Variants in STK32A observed in about 807,000 individuals in gnomAD.
STK32A encodes serine/threonine-protein kinase 32A.
STK32A carries 41 observed loss-of-function variants against 53.2 expected under a neutral mutation model. The observed-to-expected ratio is 0.77, with a 90% CI of 0.60 to 1.00. The LOEUF (loss-of-function observed/expected upper bound fraction) is 1.00. STK32A is among the 50% of genes least tolerant of loss of function. STK32A has a pLI of 0.00. For missense variants in STK32A, 458 were observed against 485.8 expected, an observed-to-expected ratio of 0.94 and a Z score of 0.54; for synonymous variants, 166 against 162.8, an observed-to-expected ratio of 1.02 and a Z score of -0.15.
chr5:147,326,454 C>G (rs1277253233), intron 5 of STK32A, among the ~76,000 whole-genome samples: 1 of 152,178 alleles, frequency 6.6e-6, no homozygotes, highest in Admixed American at 6.5e-5. Flanking sequence ...ACCTCTCCCC[C>G]CACCTCCCAG....
chr5:147,294,369 C>A (rs765297586), intron 4 of STK32A, among the ~76,000 whole-genome samples: 7 of 152,044 alleles, frequency 4.6e-5, no homozygotes, highest in Non-Finnish European at 1.0e-4. Context: ...TCAAGCAATT[C>A]TTCTGCCTCA....
At chr5:147,268,457 A>G (rs1754901284) in intron 2 of STK32A, among the ~76,000 whole-genome samples, 1 of 152,158 alleles carries the variant, frequency 6.6e-6, no homozygotes, top group African/African-American at 2.4e-5. Flanking sequence ...TTTGGTAAAA[A>G]AAAAGTTAAA....
intron 6 of STK32A, chr5:147,343,355 C>T (rs979021851): frequency 2.1e-6 from 1 of 475,800 alleles, no homozygotes; most frequent in East Asian, 4.5e-5. Flanking sequence ...ATATAACACG[C>T]AATCACCTAT....
intron 9 of STK32A, among the ~76,000 whole-genome samples, chr5:147,371,943 A>G (rs1488049960): frequency 4.6e-5 from 7 of 152,196 alleles, no homozygotes; most frequent in Admixed American, 4.6e-4. Context: ...TTCACATAAC[A>G]CTATCTTTCC....
intron 11 of STK32A, among the ~76,000 whole-genome samples, chr5:147,378,840 CTTTTTTTTTTTTTTTTTTTTTTTTTTT>C (rs71001434): frequency 2.2e-3 from 63 of 28,108 alleles, no homozygotes; most frequent in African/African-American, 6.4e-3. Flanking sequence ...TGCCTCCAGT[CTTTTTTTTTTTTTTTTTTTTTTTTTTT>C]TTTTTTTTTT....
Position 147,235,090 on chromosome 5 carries a change from G to A in STK32A, c.-206G>A, listed in dbSNP as rs1444229018. On this transcript the variant is annotated 5_prime_UTR_variant, in exon 1 of 13. Coordinates refer to ENST00000397936, the MANE Select transcript of STK32A (RefSeq NM_001112724.2). ...AGCCTCCGCCGCTTCCGGGCAGATA[G>A]GTGCCTTTTCTTGCTCCTTGCTCTT... The A allele has an allele frequency of 1.3e-5, 2 of 155,002 alleles. No homozygotes were observed. Among genetic ancestry groups the A allele is most frequent in the African/African-American group, 2.4e-5 (1 of 41,476 alleles). The allele number at this position is 155,002 out of a possible 1,614,324, so 9.6% of individuals were successfully genotyped here.
At chr5:147,282,528 T>C (rs1039390824) in intron 4 of STK32A, among the ~76,000 whole-genome samples, 1 of 152,146 alleles carries the variant, frequency 6.6e-6, no homozygotes, top group Non-Finnish European at 1.5e-5. Flanking sequence ...CAACCTACTA[T>C]GTGCTGCCTT....
chr5:147,285,480 G>T (rs570751828), intron 4 of STK32A, among the ~76,000 whole-genome samples: 1 of 152,186 alleles, frequency 6.6e-6, no homozygotes, highest in South Asian at 2.1e-4. Flanking sequence ...AAGAGCTTTT[G>T]CATGGCAAAC....
chr5:147,343,290 A>C (rs375157094), intron 6 of STK32A: 123 of 681,308 alleles, frequency 1.8e-4, no homozygotes, highest in Non-Finnish European at 2.9e-4. Flanking sequence ...ATTTTCTTCC[A>C]CTACTATATT....
downstream of STK32A, among the ~76,000 whole-genome samples, chr5:147,388,441 C>T (rs771615339): frequency 2.0e-5 from 3 of 152,166 alleles, no homozygotes; most frequent in African/African-American, 4.8e-5. Context: ...AGTTTTGTGG[C>T]CTCCGAAGTT....
At chr5:147,400,788 A>G in the STK32A span, 1 of 1,614,194 alleles carries the variant, frequency 6.2e-7, no homozygotes, top group African/African-American at 1.3e-5. Flanking sequence ...CTTTCTGGGC[A>G]GTGCTGAAGG....
intron 10 of STK32A, among the ~76,000 whole-genome samples, chr5:147,373,910 C>T (rs1757115866): frequency 6.6e-6 from 1 of 152,158 alleles, no homozygotes; most frequent in Non-Finnish European, 1.5e-5. Flanking sequence ...CCACTAGCTC[C>T]TTCTCTCTGC....
At chr5:147,294,591 T>C (rs1437667787) in intron 4 of STK32A, among the ~76,000 whole-genome samples, 1 of 152,210 alleles carries the variant, frequency 6.6e-6, no homozygotes, top group African/African-American at 2.4e-5. Flanking sequence ...ATTACTGTCA[T>C]TTCAACTCCC....
At chr5:147,396,836 C>CAT in the STK32A span, among the ~76,000 whole-genome samples, 3 of 146,716 alleles carry the variant, frequency 2.0e-5, no homozygotes, top group Admixed American at 6.9e-5. Context: ...TATACAAACA[C>CAT]ATATATATAC....
chr5:147,311,763 A>G (rs1210561185), intron 4 of STK32A, among the ~76,000 whole-genome samples: 1 of 152,128 alleles, frequency 6.6e-6, no homozygotes, highest in African/African-American at 2.4e-5. Context: ...AACAAAAAAC[A>G]CACCTTTTTA....
chr5:147,348,743 G>A (rs181418656), intron 6 of STK32A: 90 of 769,718 alleles, frequency 1.2e-4, no homozygotes, highest in East Asian at 6.1e-4. Context: ...TCAGGAGACC[G>A]AAGCCCAGGC....
At chr5:147,383,613 T>C (rs994796891) in intron 12 of STK32A, 108 bp downstream of exon 12, 2 of 1,015,458 alleles carry the variant, frequency 2.0e-6, no homozygotes, top group South Asian at 3.4e-5. Context: ...TATTTTCTAA[T>C]TGGGAAAATG....
At chr5:147,339,164 G>A (rs1755281805) in intron 5 of STK32A, among the ~76,000 whole-genome samples, 1 of 152,198 alleles carries the variant, frequency 6.6e-6, no homozygotes, top group Non-Finnish European at 1.5e-5. Flanking sequence ...TTCATGGGCT[G>A]GGCCCAGGGC....
intron 1 of STK32A, among the ~76,000 whole-genome samples, chr5:147,236,812 C>G (rs945069836): frequency 1.3e-5 from 2 of 152,130 alleles, no homozygotes; most frequent in East Asian, 3.9e-4. Flanking sequence ...CTTTCTCTTT[C>G]TGATTCGACA....
Sources: allele counts gnomAD v4.1 joint callset (sites outside exome capture counted in the v4.1 genomes callset), GRCh38; gene constraint gnomAD v4.1.1; transcripts MANE v1.5; gene names NCBI Gene and HGNC (gene_info 2026-07-23, HGNC 2026-07-21).